PTPN5: variants seen among roughly 807,000 people sequenced by gnomAD.
PTPN5 encodes the protein protein tyrosine phosphatase non-receptor type 5.
A neutral mutation model predicts 73.9 loss-of-function variants in PTPN5; 29 were observed. The ratio of observed to expected loss-of-function variants is 0.39; its 90% CI spans 0.29 to 0.54. PTPN5 has a LOEUF of 0.54. PTPN5 is among the 20% of genes least tolerant of loss of function. PTPN5 has a pLI of 0.65. For synonymous variants in PTPN5, 267 were observed against 304.7 expected (o/e 0.88, Z 1.29); for missense variants, 652 against 751.4 (o/e 0.87, Z 1.55).
chr11:18,743,184 G>T, intron 5 of PTPN5, 109 bp from the exon 6 acceptor site: 1 of 1,216,598 alleles, frequency 8.2e-7, no homozygotes, highest in Non-Finnish European at 1.2e-6. Context: ...GGTCTGGGAT[G>T]GGGAGCAGGC....
chr11:18,749,360 G>C (rs1033286188), intron 3 of PTPN5: 2 of 518,856 alleles, frequency 3.9e-6, no homozygotes, highest in Non-Finnish European at 7.7e-6. Flanking sequence ...GGCCAAGTAA[G>C]TGCAGACCTG....
intron 1 of PTPN5, 45 bp from the exon 2 acceptor site, chr11:18,772,116 C>T: frequency 3.5e-6 from 2 of 565,236 alleles, no homozygotes; most frequent in Non-Finnish European, 6.1e-6. Flanking sequence ...AGTCTCAGGT[C>T]ACACAGTGTG....
In PTPN5 at chr11:18,738,421, G is replaced by A. The variant is rs545544673; in HGVS notation, c.916-457C>T. Among the ~76,000 whole-genome samples, 36 of 152,332 alleles carry A rather than the reference G, an allele frequency of 2.4e-4. 1 individual carries two copies. In the South Asian group the frequency reaches 7.2e-3, roughly 31 times the overall value. On this transcript the variant is annotated intron_variant, in intron 8 of 14. Transcript: ENST00000358540. ...CCTTCCCTGATTCTCCAGAAGGAGA[G>A]AAGCCTCTTTCTGAGATCCCAGGAA...
In PTPN5 at chr11:18,729,168, C is replaced by T. The variant is rs1848758045; in HGVS notation, c.1605-141G>A. The T allele has an allele frequency of 1.3e-6, 1 of 745,510 alleles. No homozygotes were observed. 46.2% of individuals were successfully genotyped at this position (745,510 alleles called of 1,614,324 possible). The stretch of plus-strand genomic sequence containing the variant: ...AGAGACCAACCCTTGCCAACCATTA[C>T]CCTCTGCCCCTTCCTATCAGGGACA... On this transcript the variant is annotated intron_variant, in intron 14 of 14. Transcript: ENST00000358540. The surrounding 1 kb of genome is among the most constrained non-coding windows in gnomAD (Gnocchi z 5.2).
rs894157542 is a variant in PTPN5, at chr11:18,791,557, G to A, written c.-146C>T. 1 of 153,552 alleles carries A rather than the reference G, an allele frequency of 6.5e-6. No individual in the cohort carries two copies. Among genetic ancestry groups the A allele is most frequent in the African/African-American group, 2.4e-5 (1 of 41,486 alleles). The allele number at this position is 153,552 out of a possible 1,614,324, so 9.5% of individuals were successfully genotyped here. ...AGCGGGCTCCGGGCGCCGGCGAGCAGGCGGGCAGGCTGGCGGGAGGATGCG... is the reference window on the plus strand; with the variant it reads ...AGCGGGCTCCGGGCGCCGGCGAGCAAGCGGGCAGGCTGGCGGGAGGATGCG... On this transcript the variant is annotated 5_prime_UTR_variant, in exon 1 of 15. Transcript: ENST00000358540.
intron 4 of PTPN5, 97 bp downstream of exon 4, chr11:18,743,909 C>G: frequency 7.1e-7 from 1 of 1,413,112 alleles, no homozygotes; most frequent in Non-Finnish European, 9.4e-7. Context: ...GCCCCTTATC[C>G]TCCTGCCTTC....
intron 1 of PTPN5, among the ~76,000 whole-genome samples, chr11:18,772,665 T>C (rs186244873): frequency 6.6e-6 from 1 of 152,360 alleles, no homozygotes; most frequent in Non-Finnish European, 1.5e-5. Flanking sequence ...CCCAGCCTGC[T>C]GAGGGGCTCG....
chr11:18,728,957 G>C lies in PTPN5; in HGVS notation c.1675C>G (p.Leu559Val). 1.2e-6 allele frequency: 2 copies of C among 1,613,454 alleles called. No individual in the cohort carries two copies. Among genetic ancestry groups the C allele is most frequent in the Non-Finnish European group, 1.7e-6 (2 of 1,179,758 alleles). The part of the protein sequence containing the change: ...HHVMSLYEKQ[L>V]SHQSPE ...AGTCATTCTGGGGACTGGTGGGACA[G>C]CTGCTTTTCGTAGAGGCTCATGACG... The change falls in exon 15 of 15, where the codon CTG becomes GTG. Residue 559 changes from leucine to valine, a missense_variant. Physicochemically the swap from Leu to Val is conservative, Grantham distance 32. Coordinates refer to ENST00000358540, the MANE Select transcript of PTPN5 (RefSeq NM_006906.2). The surrounding 1 kb of genome is among the most constrained non-coding windows in gnomAD (Gnocchi z 4.1).
intron 1 of PTPN5, among the ~76,000 whole-genome samples, chr11:18,789,668 A>G (rs1258655265): frequency 1.3e-5 from 2 of 152,202 alleles, no homozygotes; most frequent in Non-Finnish European, 2.9e-5. Context: ...ACTGGAGACT[A>G]TGATTCTAAG....
chr11:18,733,716 C>T lies in PTPN5; in HGVS notation c.1001-81G>A. ...ACTTGCTCTGGCCTATTCCAGCATA[C>T]CCACACTTCTTCTGCGACATTAGCA... On this transcript the variant is annotated intron_variant, in intron 9 of 14. Coordinates refer to ENST00000358540, the MANE Select transcript of PTPN5 (RefSeq NM_006906.2). The surrounding 1 kb of genome is among the most constrained non-coding windows in gnomAD (Gnocchi z 4.3). 1.7e-6 allele frequency: 2 copies of T among 1,203,042 alleles called. No individual in the cohort carries two copies. Among genetic ancestry groups the T allele is most frequent in the African/African-American group, 1.5e-5 (1 of 67,024 alleles). 74.5% of individuals were successfully genotyped at this position (1,203,042 alleles called of 1,614,324 possible).
At chr11:18,792,400 G>C (rs1851967833), upstream of PTPN5, 1 of 152,420 alleles carries the variant, frequency 6.6e-6, no homozygotes, top group Non-Finnish European at 1.5e-5. Flanking sequence ...CTTTTTCCCA[G>C]TTCTCCCTGT....
intron 8 of PTPN5, among the ~76,000 whole-genome samples, chr11:18,738,889 TTGGAAC>T (rs889883351): frequency 6.6e-6 from 1 of 151,374 alleles, no homozygotes; most frequent in African/African-American, 2.4e-5. Flanking sequence ...GGAGAATCGC[TTGGAAC>T]TGGAAGGCGG....
chr11:18,769,984 T>C (rs1054826432), intron 2 of PTPN5, among the ~76,000 whole-genome samples: 4 of 152,124 alleles, frequency 2.6e-5, no homozygotes, highest in African/African-American at 9.7e-5. Flanking sequence ...GTGGCTTCCC[T>C]GCACTGAGAG....
chr11:18,791,085 G>T (rs940463350), intron 1 of PTPN5, among the ~76,000 whole-genome samples: 14 of 152,220 alleles, frequency 9.2e-5, no homozygotes, highest in African/African-American at 2.7e-4. Flanking sequence ...TAAAGGGTCG[G>T]TGGAGGCGAA....
chr11:18,742,191 C>T lies in PTPN5; in HGVS notation c.725+71G>A. On this transcript the variant is annotated intron_variant, in intron 7 of 14. Transcript: ENST00000358540. This position sits in a 1 kb window ranked among gnomAD's most constrained non-coding sequence, Gnocchi z 4.1. Reference sequence around the variant, plus strand: ...CTGGGCACCAGGAGTCAGAGTCAGGCATCCACTCTTCTGATCAGGAGCTAA... The same window carrying T: ...CTGGGCACCAGGAGTCAGAGTCAGGTATCCACTCTTCTGATCAGGAGCTAA... 6.3e-7 allele frequency: 1 copy of T among 1,586,814 alleles called. No homozygotes were observed. The highest frequency in any genetic ancestry group is 1.2e-5 in the South Asian group (1 of 86,734).
chr11:18,773,349 C>T (rs760016954), intron 1 of PTPN5, among the ~76,000 whole-genome samples: 12 of 151,910 alleles, frequency 7.9e-5, no homozygotes, highest in African/African-American at 1.2e-4. Context: ...AGGGGGTCTC[C>T]GGGCCTGGGA....
rs556361206 is a variant in PTPN5 at position 18,754,371 on chromosome 11, G to A, written c.98-10172C>T. On this transcript the variant is annotated intron_variant, in intron 3 of 14. Coordinates refer to ENST00000358540, the MANE Select transcript of PTPN5 (RefSeq NM_006906.2). ...TCATGGACTGAGCTGCAGCACAGCC[G>A]ACTGTCAAGGAGACCCCTGAATCTC... is the stretch of plus-strand genomic sequence containing the variant. Among the ~76,000 whole-genome samples, 6 of 152,312 alleles carry A rather than the reference G, an allele frequency of 3.9e-5. No homozygotes were observed. In the South Asian group the frequency reaches 1.0e-3, roughly 26 times the overall value.
At chr11:18,764,856 G>A (rs915310755) in intron 3 of PTPN5, among the ~76,000 whole-genome samples, 2 of 152,266 alleles carry the variant, frequency 1.3e-5, no homozygotes, top group Admixed American at 6.5e-5. Context: ...GGGACTACAG[G>A]CGCCCGCCAC....
intron 1 of PTPN5, among the ~76,000 whole-genome samples, chr11:18,783,926 G>A (rs1331222358): frequency 1.3e-5 from 2 of 152,084 alleles, no homozygotes; most frequent in Middle Eastern, 3.2e-3. Context: ...CTTCAGAAAC[G>A]GAGTCAGACT....
Sources: allele counts gnomAD v4.1 joint callset (sites outside exome capture counted in the v4.1 genomes callset), GRCh38; gene constraint gnomAD v4.1.1; non-coding constraint Gnocchi (gnomAD v3.1); transcripts MANE v1.5; gene names NCBI Gene and HGNC (gene_info 2026-07-23, HGNC 2026-07-21).